PPP2R5D: variants seen among roughly 807,000 people sequenced by gnomAD.
PPP2R5D encodes the protein protein phosphatase 2 regulatory subunit B'delta.
A neutral mutation model predicts 79.1 loss-of-function variants in PPP2R5D; 12 were observed. The ratio of observed to expected loss-of-function variants is 0.15; its 90% CI spans 0.10 to 0.25. PPP2R5D has a LOEUF of 0.25. Among genes scored for constraint, PPP2R5D ranks in the 10% least tolerant of loss-of-function variants. PPP2R5D has a pLI of 1.00. For missense variants in PPP2R5D, 419 were observed against 760.2 expected, an observed-to-expected ratio of 0.55 and a Z score of 5.28; for synonymous variants, 277 against 286.6, an observed-to-expected ratio of 0.97 and a Z score of 0.34.
chr6:43,006,499 G>A lies in PPP2R5D; in HGVS notation c.142G>A (p.Ala48Thr). The A allele has an allele frequency of 6.2e-7, 1 of 1,613,566 alleles. No homozygotes were observed. The highest frequency in any genetic ancestry group is 8.5e-7 in the Non-Finnish European group (1 of 1,179,814). ...PQPQPQPQPQAQSQPPSSNKR... is the reference protein window; with the variant it reads ...PQPQPQPQPQTQSQPPSSNKR... ...GCCCCAGCCCCAGCCCCAGCCCCAA[G>A]CCCAGTCTCAGCCACCGTCATCCAA... Residue 48 changes from alanine (A) to threonine (T), a missense_variant, in exon 3 of 16, where the codon GCC becomes ACC. Ala to Thr is a moderately conservative substitution (Grantham distance 58). Transcript: ENST00000485511. The surrounding 1 kb of genome is among the most constrained non-coding windows in gnomAD (Gnocchi z 4.7).
chr6:43,007,864 C>G lies in PPP2R5D; in HGVS notation c.727-71C>G. The G allele has an allele frequency of 6.3e-7, 1 of 1,591,470 alleles. No homozygotes were observed. The highest frequency in any genetic ancestry group is 8.6e-7 in the Non-Finnish European group (1 of 1,162,028). ...ACCTCTGCATTTCCCCTGGCGGGAC[C>G]TATGTCACCCTGGCCACTGCCTTCC... On this transcript the variant is annotated intron_variant, in intron 6 of 15. Coordinates refer to ENST00000485511, the MANE Select transcript of PPP2R5D (RefSeq NM_006245.4). The surrounding 1 kb of genome is among the most constrained non-coding windows in gnomAD (Gnocchi z 4.5).
chr6:42,984,901 C>T (rs1486806480), intron 1 of PPP2R5D, among the ~76,000 whole-genome samples, 197 bp downstream of exon 1: 1 of 150,834 alleles, frequency 6.6e-6, no homozygotes, highest in Non-Finnish European at 1.5e-5. Context: ...CCCCACCTTG[C>T]CCCGGAGAGA....
chr6:42,991,422 T>G (rs1478417581), intron 2 of PPP2R5D, among the ~76,000 whole-genome samples: 1 of 152,220 alleles, frequency 6.6e-6, no homozygotes, highest in African/African-American at 2.4e-5. Context: ...TAAAGCAGCC[T>G]TCTTTGACCA....
intron 2 of PPP2R5D, among the ~76,000 whole-genome samples, chr6:42,996,227 G>A (rs1771674112): frequency 6.7e-6 from 1 of 149,414 alleles, no homozygotes; most frequent in Admixed American, 6.6e-5. Context: ...ACTTTGGGAG[G>A]CCGAGGCGGG....
rs536155016 is a variant in PPP2R5D at position 43,001,047 on chromosome 6, G to A, written c.106-5416G>A. ...GAGACAAGTGGTATCAAAAAGAGGG[G>A]GTGACACCCAAGGGCTGGAAAGATC... On this transcript the variant is annotated intron_variant, in intron 2 of 15. Transcript: ENST00000485511. Among the ~76,000 whole-genome samples the A allele has an allele frequency of 3.8e-4, 58 of 152,298 alleles. 1 individual carries two copies. The highest frequency in any genetic ancestry group is 1.3e-3 in the African/African-American group (53 of 41,566).
At chr6:42,992,301 C>T (rs1381213426) in intron 2 of PPP2R5D, among the ~76,000 whole-genome samples, 1 of 152,114 alleles carries the variant, frequency 6.6e-6, no homozygotes, top group Admixed American at 6.6e-5. Context: ...CCTCGTGATC[C>T]ACCCGCCTCG....
rs893945426 is a variant in PPP2R5D at position 42,984,614 on chromosome 6, C to T, written c.-64C>T. The T allele has an allele frequency of 3.9e-6, 6 of 1,548,280 alleles. No individual in the cohort carries two copies. In the African/African-American group the frequency reaches 5.6e-5, roughly 14 times the overall value. On this transcript the variant is annotated 5_prime_UTR_variant, in exon 1 of 16. Transcript: ENST00000485511. The stretch of plus-strand genomic sequence containing the variant: ...GAAGAGACGCCGAGCGGGCCGAGTG[C>T]GGCCGAGCAAAGCCGGAGCCGGAGC...
At position 43,011,404 on chromosome 6, in the gene PPP2R5D, C is replaced by A; in HGVS notation, c.*118C>A. ...GGAAGGCAGCGCCTCTCTAGCTACT[C>A]AAGGGAGGGGGATGTGGGCACTTGA... On this transcript the variant is annotated 3_prime_UTR_variant, in exon 16 of 16. Coordinates refer to ENST00000485511, the MANE Select transcript of PPP2R5D (RefSeq NM_006245.4). 1 of 1,377,358 alleles carries A rather than the reference C, an allele frequency of 7.3e-7. No individual in the cohort carries two copies. Among genetic ancestry groups the A allele is most frequent in the South Asian group, 1.4e-5 (1 of 72,194 alleles). The allele number at this position is 1,377,358 out of a possible 1,614,324, so 85.3% of individuals were successfully genotyped here.
chr6:43,009,110 G>A lies in PPP2R5D; in HGVS notation c.1134G>A (p.Val378=). Residue 378 remains valine, a synonymous_variant, in exon 11 of 16, where the codon GTG becomes GTA. Transcript: ENST00000485511. The surrounding 1 kb of genome is among the most constrained non-coding windows in gnomAD (Gnocchi z 5.6). ...FWPKTHSPKE[V]MFLNELEEIL... is the part of the protein sequence containing the mutation. ...CCAAGACCCACAGCCCCAAGGAGGT[G>A]ATGTTCTTGAATGAGCTGGAGGAGA... 3 of 1,614,120 alleles carry A rather than the reference G, an allele frequency of 1.9e-6. No homozygotes were observed. Among genetic ancestry groups the A allele is most frequent in the Non-Finnish European group, 2.5e-6 (3 of 1,180,016 alleles).
In PPP2R5D at chr6:43,007,409, T is replaced by C; in HGVS notation, c.634-5T>C. 6.2e-7 allele frequency: 1 copy of C among 1,611,846 alleles called. No individual in the cohort carries two copies. On this transcript the variant is annotated splice_polypyrimidine_tract_variant and splice_region_variant and intron_variant, in intron 5 of 15. Coordinates refer to ENST00000485511, the MANE Select transcript of PPP2R5D (RefSeq NM_006245.4). This position sits in a 1 kb window ranked among gnomAD's most constrained non-coding sequence, Gnocchi z 4.5. ...CCCCTCAGTGGCGTGCCTTTTCCCC[T>C]ATAGCTCGTGTATGAGTTCTTCTTA...
rs769587866 is a variant in PPP2R5D at position 43,010,512 on chromosome 6, A to T, written c.1424A>T (p.Glu475Val). ...LIYNALKLFM[E>V]MNQKLFDDCT... ...TATAATGCCCTGAAGTTGTTTATGG[A>T]AATGAATCAGAAGCTGTTTGATGAC... Residue 475 changes from glutamate to valine, a missense_variant, in exon 13 of 16, where the codon GAA becomes GTA. Transcript: ENST00000485511. This position sits in a 1 kb window ranked among gnomAD's most constrained non-coding sequence, Gnocchi z 4.7. 1.2e-6 allele frequency: 2 copies of T among 1,614,138 alleles called. No homozygotes were observed. The highest frequency in any genetic ancestry group is 8.5e-7 in the Non-Finnish European group (1 of 1,180,030).
At chr6:43,000,532 C>T (rs564392298) in intron 2 of PPP2R5D, among the ~76,000 whole-genome samples, 2 of 152,250 alleles carry the variant, frequency 1.3e-5, no homozygotes, top group Admixed American at 6.5e-5. Flanking sequence ...CATGAGCCAC[C>T]GTGCCTGGCT....
At chr6:42,994,254 C>T (rs911794155) in intron 2 of PPP2R5D, among the ~76,000 whole-genome samples, 4 of 152,174 alleles carry the variant, frequency 2.6e-5, no homozygotes, top group African/African-American at 9.7e-5. Context: ...TGTGCCACTG[C>T]ACTCCAGCTT....
chr6:42,984,701 G>A lies in PPP2R5D; in HGVS notation c.24G>A (p.Glu8=). The A allele has an allele frequency of 6.2e-7, 1 of 1,612,358 alleles. No homozygotes were observed. Among genetic ancestry groups the A allele is most frequent in the South Asian group, 1.1e-5 (1 of 90,808 alleles). ...AGATGCCCTATAAACTGAAAAAGGA[G>A]AAGGTGAGCGTGGCCCTTTTTCCCC... The part of the protein sequence containing the change: MPYKLKK[E]KEPPKVAKCT... Residue 8 remains glutamate, a synonymous_variant, in exon 1 of 16, where the codon GAG becomes GAA. Coordinates refer to ENST00000485511, the MANE Select transcript of PPP2R5D (RefSeq NM_006245.4).
chr6:43,000,660 C>G (rs534370137), intron 2 of PPP2R5D, among the ~76,000 whole-genome samples: 1 of 152,198 alleles, frequency 6.6e-6, no homozygotes, highest in Non-Finnish European at 1.5e-5. Flanking sequence ...TGCATCTTAC[C>G]TGGAAGGATG....
At chr6:42,998,372 G>A (rs892134115) in intron 2 of PPP2R5D, among the ~76,000 whole-genome samples, 8 of 151,774 alleles carry the variant, frequency 5.3e-5, no homozygotes, top group Non-Finnish European at 7.4e-5. Flanking sequence ...TGTGCCCAGC[G>A]TGGGTTTAAT....
At chr6:42,986,493 G>A (rs990795789) in intron 1 of PPP2R5D, among the ~76,000 whole-genome samples, 4 of 152,022 alleles carry the variant, frequency 2.6e-5, no homozygotes, top group African/African-American at 9.7e-5. Context: ...AACCTTTCAG[G>A]GCCTGAGGTT....
chr6:43,006,819 G>A lies in PPP2R5D; in HGVS notation c.323-92G>A. 1 of 1,576,820 alleles carries A rather than the reference G, an allele frequency of 6.3e-7. No individual in the cohort carries two copies. The highest frequency in any genetic ancestry group is 2.2e-5 in the East Asian group (1 of 44,468). Reference sequence around the variant, plus strand: ...AGGGGGTGCCAGGGAGCAGGATGGTGGCAGGGTGGGGTAAGGGAAAGCCCT... The same window carrying A: ...AGGGGGTGCCAGGGAGCAGGATGGTAGCAGGGTGGGGTAAGGGAAAGCCCT... On this transcript the variant is annotated intron_variant, in intron 3 of 15. Coordinates refer to ENST00000485511, the MANE Select transcript of PPP2R5D (RefSeq NM_006245.4). The surrounding 1 kb of genome is among the most constrained non-coding windows in gnomAD (Gnocchi z 4.7).
chr6:42,991,405 G>A (rs753383499), intron 2 of PPP2R5D, among the ~76,000 whole-genome samples: 5 of 152,142 alleles, frequency 3.3e-5, no homozygotes, highest in Non-Finnish European at 5.9e-5. Context: ...ATGGGATGTC[G>A]TTTCCTTAAA....
Sources: allele counts gnomAD v4.1 joint callset (sites outside exome capture counted in the v4.1 genomes callset), GRCh38; gene constraint gnomAD v4.1.1; non-coding constraint Gnocchi (gnomAD v3.1); transcripts MANE v1.5; gene names NCBI Gene and HGNC (gene_info 2026-07-23, HGNC 2026-07-21).